RPS28: variants seen among roughly 807,000 people sequenced by gnomAD.
RPS28 encodes ribosomal protein S28.
Under a neutral mutation model 9.4 loss-of-function variants are expected in RPS28, and 2 were observed. The observed-to-expected ratio is 0.21, with a 90% CI of 0.09 to 0.67. RPS28 has a LOEUF of 0.67. Among genes scored for constraint, RPS28 ranks in the 30% least tolerant of loss-of-function variants. The pLI is 0.82. For synonymous variants in RPS28, 41 were observed against 37.8 expected, an observed-to-expected ratio of 1.08 and a Z score of -0.31; for missense variants, 35 against 95.3, an observed-to-expected ratio of 0.37 and a Z score of 2.63.
At position 8,322,781 on chromosome 19, in the gene RPS28, G is replaced by A; in HGVS notation, c.*526G>A. On this transcript the variant is annotated 3_prime_UTR_variant, in exon 4 of 4. Coordinates refer to ENST00000600659, the MANE Select transcript of RPS28 (RefSeq NM_001031.5). Reference sequence around the variant, plus strand: ...TGGACCCTTCTGTGCGCCAAAGGCTGAGGTGACTGACGAGGAGATCTCCCC... The same window carrying A: ...TGGACCCTTCTGTGCGCCAAAGGCTAAGGTGACTGACGAGGAGATCTCCCC... 7.5e-7 allele frequency: 1 copy of A among 1,333,550 alleles called. No homozygotes were observed. Among genetic ancestry groups the A allele is most frequent in the Non-Finnish European group, 1.1e-6 (1 of 934,148 alleles). The allele number at this position is 1,333,550 out of a possible 1,614,324, so 82.6% of individuals were successfully genotyped here. A position where few individuals can be genotyped will look rare whatever the true frequency, so the allele number is the denominator to read the frequency against.
At chr19:8,322,179 CAG>C in intron 3 of RPS28, 88 bp downstream of exon 3, 1 of 1,408,136 alleles carries the variant, frequency 7.1e-7, no homozygotes, top group South Asian at 1.2e-5. Flanking sequence ...GTTTGGGAGG[CAG>C]AGTCTACATA....
At position 8,322,356 on chromosome 19, in the gene RPS28, TGA is replaced by T; in HGVS notation, c.*104_*105del. Reference sequence around the variant, plus strand: ...CTTTTTTTTGTCCGCCACACGTAACTGAGATGCTCCTTTAAATAAAGCGTTTG... The same window carrying T: ...CTTTTTTTTGTCCGCCACACGTAACTGATGCTCCTTTAAATAAAGCGTTTG... On this transcript the variant is annotated 3_prime_UTR_variant, in exon 4 of 4. Coordinates refer to ENST00000600659, the MANE Select transcript of RPS28 (RefSeq NM_001031.5). 1 of 622,220 alleles carries T rather than the reference TGA, an allele frequency of 1.6e-6. No individual in the cohort carries two copies. Among genetic ancestry groups the T allele is most frequent in the South Asian group, 1.5e-5 (1 of 65,974 alleles). 38.5% of individuals were successfully genotyped at this position (622,220 alleles called of 1,614,324 possible).
In RPS28 at chr19:8,322,360, A is replaced by G. The variant is rs1210431866; in HGVS notation, c.*105A>G. 1.6e-6 allele frequency: 1 copy of G among 613,368 alleles called. No individual in the cohort carries two copies. The highest frequency in any genetic ancestry group is 1.5e-5 in the South Asian group (1 of 65,926). The allele number at this position is 613,368 out of a possible 1,614,324, so 38.0% of individuals were successfully genotyped here. ...TTTTTGTCCGCCACACGTAACTGAGATGCTCCTTTAAATAAAGCGTTTGTG... is the reference window on the plus strand; with the variant it reads ...TTTTTGTCCGCCACACGTAACTGAGGTGCTCCTTTAAATAAAGCGTTTGTG... On this transcript the variant is annotated 3_prime_UTR_variant, in exon 4 of 4. Coordinates refer to ENST00000600659, the MANE Select transcript of RPS28 (RefSeq NM_001031.5).
At chr19:8,322,192 CAGAG>C in intron 3 of RPS28, 76 bp from the exon 4 acceptor site, 1 of 1,282,444 alleles carries the variant, frequency 7.8e-7, no homozygotes, top group Admixed American at 2.0e-5. Context: ...AGTCTACATA[CAGAG>C]ACTGACAAGA....
rs968147272 is a variant in RPS28 at position 8,322,337 on chromosome 19, T to C, written c.*82T>C. 10 of 646,678 alleles carry C rather than the reference T, an allele frequency of 1.5e-5. No homozygotes were observed. Among genetic ancestry groups the C allele is most frequent in the Non-Finnish European group, 2.0e-5 (7 of 349,096 alleles). The allele number at this position is 646,678 out of a possible 1,614,324, so 40.1% of individuals were successfully genotyped here. A position where few individuals can be genotyped will look rare whatever the true frequency, so the allele number is the denominator to read the frequency against. ...GGTCTGTCACAGTCTGCTCCTTTTT[T>C]TTGTCCGCCACACGTAACTGAGATG... On this transcript the variant is annotated 3_prime_UTR_variant, in exon 4 of 4. Transcript: ENST00000600659.
At chr19:8,322,196 G>A (rs1970328592) in intron 3 of RPS28, 76 bp from the exon 4 acceptor site, 4 of 1,280,072 alleles carry the variant, frequency 3.1e-6, no homozygotes, top group East Asian at 4.9e-5. Flanking sequence ...TACATACAGA[G>A]ACTGACAAGA....
intron 2 of RPS28, 38 bp downstream of exon 2, chr19:8,321,741 C>A: frequency 6.5e-7 from 1 of 1,545,298 alleles, no homozygotes; most frequent in Non-Finnish European, 8.7e-7. Flanking sequence ...TGCCGGCGAC[C>A]TAAACCCTGA....
rs772232457 is a variant in RPS28 at position 8,322,103 on chromosome 19, G to A, written c.*16+12G>A. 1.1e-5 allele frequency: 18 copies of A among 1,609,234 alleles called. No individual in the cohort carries two copies. The highest frequency in any genetic ancestry group is 1.5e-5 in the Non-Finnish European group (18 of 1,177,148). On this transcript the variant is annotated intron_variant, in intron 3 of 3. Transcript: ENST00000600659. Reference sequence around the variant, plus strand: ...TTGGCTGCTCGCTGGTGGGTGCAAAGAGGACACCCCTTTGATAGACCTTTG... The same window carrying A: ...TTGGCTGCTCGCTGGTGGGTGCAAAAAGGACACCCCTTTGATAGACCTTTG...
At position 8,321,934 on chromosome 19, in the gene RPS28, C is replaced by T; in HGVS notation, c.88-19C>T. The T allele has an allele frequency of 6.2e-7, 1 of 1,611,522 alleles. No individual in the cohort carries two copies. ...CGGCCCGCCCTTACTTCTTCCTCCA[C>T]TCCGGTGGGGACCCGTAGGTGCGCG... On this transcript the variant is annotated intron_variant, in intron 2 of 3. Coordinates refer to ENST00000600659, the MANE Select transcript of RPS28 (RefSeq NM_001031.5).
chr19:8,322,141 G>A (rs1970327273), intron 3 of RPS28, 50 bp downstream of exon 3: 2 of 1,591,486 alleles, frequency 1.3e-6, no homozygotes, highest in Non-Finnish European at 1.7e-6. Flanking sequence ...TGGTGGTAGG[G>A]AGGCTTCGTT....
rs73495502 is a variant in RPS28 at position 8,321,589 on chromosome 19, T to G, written c.39+20T>G. 992 of 1,572,844 alleles carry G rather than the reference T, an allele frequency of 6.3e-4. 6 individuals are homozygous for G. In the African/African-American group the frequency reaches 0.011, roughly 18 times the overall value. ...GCCAGGGTGAGGTGGGGGCCCGAAT[T>G]TGGGGGCAGGGGGAGGGATTAGAGG... On this transcript the variant is annotated intron_variant, in intron 1 of 3. Coordinates refer to ENST00000600659, the MANE Select transcript of RPS28 (RefSeq NM_001031.5).
rs771695091 is a variant in RPS28, at chr19:8,321,823, C to T, written c.87+120C>T. On this transcript the variant is annotated intron_variant, in intron 2 of 3. Transcript: ENST00000600659. ...CCGATTCTCATTTCATCACGGGGTT[C>T]TGATGGTTCCCTTTAACGATCTGTA... is the stretch of plus-strand genomic sequence containing the variant. The T allele has an allele frequency of 2.7e-5, 40 of 1,500,050 alleles. No individual in the cohort carries two copies. The Admixed American group carries it at 7.8e-4, about 29-fold the overall frequency. The allele number at this position is 1,500,050 out of a possible 1,614,324, so 92.9% of individuals were successfully genotyped here.
chr19:8,321,668 C>T lies in RPS28; in HGVS notation c.52C>T (p.Leu18=), dbSNP rs772104183. The change falls in exon 2 of 4, where the codon CTG becomes TTG. Residue 18 remains leucine, a synonymous_variant. Coordinates refer to ENST00000600659, the MANE Select transcript of RPS28 (RefSeq NM_001031.5). ...TTCTTTCCTCCAGGTCACCAAGGTC[C>T]TGGGCAGGACCGGTTCTCAGGGACA... The part of the protein sequence containing the change: ...PIKLARVTKV[L]GRTGSQGQCT... 6.4e-7 allele frequency: 1 copy of T among 1,560,972 alleles called. No individual in the cohort carries two copies. Among genetic ancestry groups the T allele is most frequent in the Non-Finnish European group, 8.7e-7 (1 of 1,153,022 alleles).
intron 2 of RPS28, 73 bp from the exon 3 acceptor site, chr19:8,321,880 T>C: frequency 1.3e-6 from 2 of 1,586,142 alleles, no homozygotes; most frequent in Non-Finnish European, 1.7e-6. Context: ...TGAATTCATA[T>C]CTGCTTCCCA....
Position 8,323,110 on chromosome 19 carries a change from G to A in RPS28, c.*855G>A. The A allele has an allele frequency of 2.2e-6, 1 of 449,336 alleles. No homozygotes were observed. The highest frequency in any genetic ancestry group is 4.0e-6 in the Non-Finnish European group (1 of 252,666). The allele number at this position is 449,336 out of a possible 1,614,324, so 27.8% of individuals were successfully genotyped here. On this transcript the variant is annotated 3_prime_UTR_variant, in exon 4 of 4. Transcript: ENST00000600659. ...CTTCCTCCCACATCCCTTCCAGTGG[G>A]GTGAGTACAGGTGTTCCTCAGTTTA... is the stretch of plus-strand genomic sequence containing the variant.
At position 8,322,705 on chromosome 19, in the gene RPS28, A is replaced by G. The variant is rs942568072; in HGVS notation, c.*450A>G. ...GCCCCTTCCTGCCACAGTCACCCCA[A>G]CTGAAATTGCCTTTCTCTTCGGCCA... On this transcript the variant is annotated 3_prime_UTR_variant, in exon 4 of 4. Transcript: ENST00000600659. The G allele has an allele frequency of 3.6e-5, 24 of 666,418 alleles. 1 individual carries two copies. Among genetic ancestry groups the G allele is most frequent in the East Asian group, 1.7e-4 (6 of 36,084 alleles). 41.3% of individuals were successfully genotyped at this position (666,418 alleles called of 1,614,324 possible). A position where few individuals can be genotyped will look rare whatever the true frequency, so the allele number is the denominator to read the frequency against.
At position 8,323,204 on chromosome 19, in the gene RPS28, C is replaced by T. The variant is rs1970354912; in HGVS notation, c.*949C>T. On this transcript the variant is annotated 3_prime_UTR_variant, in exon 4 of 4. Coordinates refer to ENST00000600659, the MANE Select transcript of RPS28 (RefSeq NM_001031.5). Reference sequence around the variant, plus strand: ...TGCAAGTTGAAATGTGTTTAATACACCTAATCTCCCAAACATCACAGCTTA... The same window carrying T: ...TGCAAGTTGAAATGTGTTTAATACATCTAATCTCCCAAACATCACAGCTTA... The T allele has an allele frequency of 1.9e-5, 5 of 256,796 alleles. No individual in the cohort carries two copies. The South Asian group carries it at 7.1e-4, about 37-fold the overall frequency. The allele number at this position is 256,796 out of a possible 1,614,324, so 15.9% of individuals were successfully genotyped here.
At position 8,321,664 on chromosome 19, in the gene RPS28, G is replaced by A; in HGVS notation, c.48G>A (p.Lys16=). 1.3e-6 allele frequency: 2 copies of A among 1,559,156 alleles called. No individual in the cohort carries two copies. Among genetic ancestry groups the A allele is most frequent in the East Asian group, 2.3e-5 (1 of 44,244 alleles). Residue 16 remains lysine (K), a synonymous_variant, in exon 2 of 4, where the codon AAG becomes AAA. Transcript: ENST00000600659. ...CAGCTTCTTTCCTCCAGGTCACCAA[G>A]GTCCTGGGCAGGACCGGTTCTCAGG... ...VQPIKLARVT[K]VLGRTGSQGQ... is the part of the protein sequence containing the mutation.
In RPS28 at chr19:8,322,628, G is replaced by T; in HGVS notation, c.*373G>T. 4 of 592,110 alleles carry T rather than the reference G, an allele frequency of 6.8e-6. No homozygotes were observed. The Admixed American group carries it at 1.2e-4, about 18-fold the overall frequency. The allele number at this position is 592,110 out of a possible 1,614,324, so 36.7% of individuals were successfully genotyped here. A position where few individuals can be genotyped will look rare whatever the true frequency, so the allele number is the denominator to read the frequency against. ...GCAAAGAAGTTTCAGAGAGTGGGTGGATCAGGGCTCTATCACTTGGTCCCC... is the reference window on the plus strand; with the variant it reads ...GCAAAGAAGTTTCAGAGAGTGGGTGTATCAGGGCTCTATCACTTGGTCCCC... On this transcript the variant is annotated 3_prime_UTR_variant, in exon 4 of 4. Transcript: ENST00000600659.
Sources: gnomAD v4.1 joint callset for allele counts on GRCh38, gnomAD v4.1.1 for gene constraint, MANE v1.5 for transcripts, NCBI Gene and HGNC (gene_info 2026-07-23, HGNC 2026-07-21) for gene names.